Variants in NDRG3 observed in about 807,000 individuals in gnomAD.
NDRG3 encodes protein NDRG3.
In NDRG3, 23 loss-of-function variants were observed where a neutral mutation model predicts 57.2. The ratio of observed to expected loss-of-function variants is 0.40; its 90% CI spans 0.29 to 0.57. NDRG3 has a LOEUF of 0.57. Among genes scored for constraint, NDRG3 ranks in the 20% least tolerant of loss-of-function variants. The probability of loss-of-function intolerance (pLI) is 0.42; values close to 1 mark genes in which losing one functional copy is unlikely to be tolerated. For synonymous variants in NDRG3, 132 were observed against 162.6 expected (o/e 0.81, Z 1.43); for missense variants, 384 against 457.3 (o/e 0.84, Z 1.46).
chr20:36,660,584 G>A lies in NDRG3; in HGVS notation c.811-200C>T, dbSNP rs1232176832. On this transcript the variant is annotated intron_variant, in intron 12 of 15. Coordinates refer to ENST00000349004, the MANE Select transcript of NDRG3 (RefSeq NM_032013.4). ...TATTTATTTATTTTTTTTTTGAGACGGAGTCTCGCTCTGTCGCCCAGGCTG... is the reference window on the plus strand; with the variant it reads ...TATTTATTTATTTTTTTTTTGAGACAGAGTCTCGCTCTGTCGCCCAGGCTG... 6.0e-4 allele frequency among the ~76,000 whole-genome samples: 87 copies of A among 145,572 alleles called. 3 individuals carry two copies. The highest frequency in any genetic ancestry group is 7.4e-5 in the Non-Finnish European group (5 of 67,396).
At chr20:36,665,954 G>T (rs996796456) in intron 10 of NDRG3, among the ~76,000 whole-genome samples, 3 of 152,268 alleles carry the variant, frequency 2.0e-5, no homozygotes, top group South Asian at 2.1e-4. Context: ...CTTTGAGGAG[G>T]GGGGAGGGGT....
chr20:36,733,481 T>C lies in NDRG3; in HGVS notation c.-48-11698A>G, dbSNP rs189706635. Among the ~76,000 whole-genome samples, 657 of 151,686 alleles carry C rather than the reference T, an allele frequency of 4.3e-3. 6 individuals are homozygous for C. The highest frequency in any genetic ancestry group is 0.015 in the African/African-American group (624 of 41,412). On this transcript the variant is annotated intron_variant, in intron 1 of 15. Coordinates refer to ENST00000349004, the MANE Select transcript of NDRG3 (RefSeq NM_032013.4). Reference sequence around the variant, plus strand: ...GGCTCACGCCTGTAATCCCAGCACTTTGGGAGGCCAAGGCGGGCGGATCAC... The same window carrying C: ...GGCTCACGCCTGTAATCCCAGCACTCTGGGAGGCCAAGGCGGGCGGATCAC...
chr20:36,676,740 G>C (rs1435921323), intron 8 of NDRG3, among the ~76,000 whole-genome samples: 2 of 152,254 alleles, frequency 1.3e-5, no homozygotes, highest in African/African-American at 4.8e-5. Flanking sequence ...TGGGATAATG[G>C]GCGTAAGCCA....
intron 3 of NDRG3, among the ~76,000 whole-genome samples, chr20:36,696,340 C>T (rs996302413): frequency 2.6e-5 from 4 of 151,990 alleles, no homozygotes; most frequent in African/African-American, 9.7e-5. Context: ...GGTGATCCAC[C>T]CACCTTGGCC....
At chr20:36,730,938 G>C (rs1269569634) in intron 1 of NDRG3, among the ~76,000 whole-genome samples, 1 of 100,870 alleles carries the variant, frequency 9.9e-6, no homozygotes, top group Admixed American at 1.2e-4. Flanking sequence ...ATGCTGTCTC[G>C]AAAAAAAAAA....
chr20:36,710,042 G>A (rs1049685288), intron 2 of NDRG3, among the ~76,000 whole-genome samples: 12 of 152,220 alleles, frequency 7.9e-5, no homozygotes, highest in South Asian at 2.1e-4. Context: ...CTAAAAGGCC[G>A]GGCACAGTGG....
chr20:36,678,256 A>T (rs1980931353), intron 8 of NDRG3, among the ~76,000 whole-genome samples: 1 of 152,194 alleles, frequency 6.6e-6, no homozygotes, highest in South Asian at 2.1e-4. Context: ...TGTACCCAGG[A>T]CGCACATACA....
intron 1 of NDRG3, among the ~76,000 whole-genome samples, chr20:36,738,486 G>A (rs1233696865): frequency 6.6e-6 from 1 of 150,790 alleles, no homozygotes; most frequent in Non-Finnish European, 1.5e-5. Flanking sequence ...CCGGGCAAAA[G>A]AGCAAAACTC....
At chr20:36,711,389 G>A (rs1983871206) in intron 2 of NDRG3, among the ~76,000 whole-genome samples, 1 of 151,956 alleles carries the variant, frequency 6.6e-6, no homozygotes, top group South Asian at 2.1e-4. Flanking sequence ...ACCATATTAG[G>A]GCTTCAATCT....
intron 13 of NDRG3, among the ~76,000 whole-genome samples, chr20:36,657,401 T>A (rs1242305126): frequency 1.3e-5 from 2 of 150,426 alleles, no homozygotes; most frequent in Non-Finnish European, 2.9e-5. Flanking sequence ...CACAGAAGAA[T>A]CACTTGAACT....
Position 36,653,546 on chromosome 20 carries a change from G to T in NDRG3, c.1102C>A (p.His368Asn). ...SCESPDVLDR[H>N]QTMEVSC Reference sequence around the variant, plus strand: ...TAGCAGGACACCTCCATGGTCTGGTGTCTGTCCAGGACATCAGGGGACTCA... The same window carrying T: ...TAGCAGGACACCTCCATGGTCTGGTTTCTGTCCAGGACATCAGGGGACTCA... The change falls in exon 16 of 16, where the codon CAC becomes AAC. Residue 368 changes from histidine (H) to asparagine (N), a missense_variant. Coordinates refer to ENST00000349004, the MANE Select transcript of NDRG3 (RefSeq NM_032013.4). The surrounding 1 kb of genome is among the most constrained non-coding windows in gnomAD (Gnocchi z 4.2). 6.2e-7 allele frequency: 1 copy of T among 1,614,172 alleles called. No homozygotes were observed. The highest frequency in any genetic ancestry group is 1.1e-5 in the South Asian group (1 of 91,070).
rs1299340539 is a variant in NDRG3 at position 36,722,934 on chromosome 20, G to A, written c.-48-1151C>T. On this transcript the variant is annotated intron_variant, in intron 1 of 15. Transcript: ENST00000349004. ...AAACTACTAGTTCTAGGGGAAGCTA[G>A]CTGCCAAATCATCAGGACACTCAAA... Among the ~76,000 whole-genome samples, 4 of 152,238 alleles carry A rather than the reference G, an allele frequency of 2.6e-5. No individual in the cohort carries two copies. The East Asian group carries it at 7.7e-4, about 29-fold the overall frequency.
intron 2 of NDRG3, among the ~76,000 whole-genome samples, chr20:36,711,295 TAATAAATA>T (rs371914338): frequency 6.0e-5 from 9 of 150,342 alleles, no homozygotes; most frequent in East Asian, 1.9e-4. Flanking sequence ...AAAATAATAA[TAATAAATA>T]AATAAATAAA....
chr20:36,675,781 C>CCT (rs1980635794), intron 8 of NDRG3, among the ~76,000 whole-genome samples: 2 of 152,118 alleles, frequency 1.3e-5, no homozygotes, highest in South Asian at 4.1e-4. Context: ...CTCAGCCTCT[C>CCT]AAAGTGCTGA....
At chr20:36,671,431 A>G in intron 8 of NDRG3, 34 bp from the exon 9 acceptor site, 1 of 1,557,544 alleles carries the variant, frequency 6.4e-7, no homozygotes, top group East Asian at 2.2e-5. Context: ...TAAGAATGTA[A>G]GCATATGCAA....
intron 9 of NDRG3, among the ~76,000 whole-genome samples, chr20:36,669,594 A>G (rs1979962138): frequency 1.3e-5 from 2 of 151,104 alleles, no homozygotes; most frequent in South Asian, 4.2e-4. Flanking sequence ...CGAACTCCCA[A>G]CCTTAGGTGA....
At chr20:36,659,211 A>AT (rs1978940385) in intron 13 of NDRG3, among the ~76,000 whole-genome samples, 1 of 152,100 alleles carries the variant, frequency 6.6e-6, no homozygotes, top group Non-Finnish European at 1.5e-5. Flanking sequence ...AAGTGCTGGG[A>AT]TTATAGGTGT....
At chr20:36,734,797 A>G (rs1985523952) in intron 1 of NDRG3, among the ~76,000 whole-genome samples, 1 of 151,908 alleles carries the variant, frequency 6.6e-6, no homozygotes, top group South Asian at 2.1e-4. Flanking sequence ...ACATGTCTCC[A>G]GATAATGCCA....
chr20:36,688,575 G>T, intron 4 of NDRG3, 104 bp downstream of exon 4: 2 of 837,856 alleles, frequency 2.4e-6, no homozygotes, highest in Non-Finnish European at 2.0e-6. Context: ...AGTTACCACA[G>T]AGAGGGGGAA....
Sources: gnomAD v4.1 joint callset for allele counts (sites outside exome capture counted in the v4.1 genomes callset) on GRCh38, gnomAD v4.1.1 for gene constraint, Gnocchi (gnomAD v3.1) non-coding constraint, MANE v1.5 for transcripts, NCBI Gene and HGNC (gene_info 2026-07-23, HGNC 2026-07-21) for gene names.